The following WWC2 variants were observed in gnomAD, a reference collection of about 807,000 sequenced individuals.
The protein encoded by WWC2 is protein WWC2.
A neutral mutation model predicts 138.5 loss-of-function variants in WWC2; 101 were observed. The observed-to-expected ratio is 0.73, with a 90% CI of 0.62 to 0.86. The LOEUF (loss-of-function observed/expected upper bound fraction) is 0.86. Ranked by LOEUF, WWC2 falls within the 40% of genes least tolerant of loss-of-function variation. The pLI is 0.00. For synonymous variants in WWC2, 558 were observed against 538.4 expected (o/e 1.04, Z -0.50); for missense variants, 1,420 against 1,419.4 (o/e 1.00, Z -0.01).
At chr4:183,144,433 T>C (rs1176867937) in intron 1 of WWC2, among the ~76,000 whole-genome samples, 2 of 152,180 alleles carry the variant, frequency 1.3e-5, no homozygotes, top group Non-Finnish European at 2.9e-5. Flanking sequence ...TTTAGTGTCC[T>C]ATTTTGGAAT....
intron 1 of WWC2, among the ~76,000 whole-genome samples, chr4:183,191,138 T>C (rs1289625047): frequency 6.6e-6 from 1 of 152,096 alleles, no homozygotes; most frequent in African/African-American, 2.4e-5. Context: ...AAAGAGACCA[T>C]GTATGTAGAC....
chr4:183,270,701 T>C (rs2111381021), intron 15 of WWC2, among the ~76,000 whole-genome samples: 1 of 152,114 alleles, frequency 6.6e-6, no homozygotes, highest in East Asian at 1.9e-4. Flanking sequence ...GAGGTGGAGG[T>C]TGCAGTGAGC....
intron 21 of WWC2, among the ~76,000 whole-genome samples, chr4:183,295,223 G>A (rs546093088): frequency 7.2e-5 from 11 of 152,322 alleles, no homozygotes; most frequent in East Asian, 1.9e-4. Context: ...GGGAAGCAGC[G>A]AGGCTACTTT....
chr4:183,173,385 C>T (rs566935628), intron 1 of WWC2, among the ~76,000 whole-genome samples: 1 of 152,108 alleles, frequency 6.6e-6, no homozygotes, highest in East Asian at 1.9e-4. Context: ...CCTGTTCTAT[C>T]TCTCTGAATA....
In WWC2 at chr4:183,319,750, C is replaced by A. The variant is rs749698973; in HGVS notation, c.*4021C>A. ...GCCTCCCCAAACTCCCACCTGGGGA[C>A]AAAGTCTGGGACGTTCTCATCCCAG... On this transcript the variant is annotated 3_prime_UTR_variant, in exon 23 of 23. Transcript: ENST00000403733. The A allele has an allele frequency of 1.5e-5, 24 of 1,613,932 alleles. No individual in the cohort carries two copies. Among genetic ancestry groups the A allele is most frequent in the Non-Finnish European group, 2.0e-5 (24 of 1,179,904 alleles).
chr4:183,203,015 C>T (rs1281279327), intron 2 of WWC2, among the ~76,000 whole-genome samples: 1 of 152,148 alleles, frequency 6.6e-6, no homozygotes, highest in Non-Finnish European at 1.5e-5. Context: ...GGTTTAAGAA[C>T]CTGCTCAAGG....
intron 1 of WWC2, among the ~76,000 whole-genome samples, chr4:183,134,146 CT>C (rs149597431): frequency 4.0e-5 from 6 of 151,552 alleles, no homozygotes; most frequent in Admixed American, 1.3e-4. Context: ...GTCTCTCTTG[CT>C]TTTTTTTGTA....
At chr4:183,202,188 C>A (rs1215179710) in intron 2 of WWC2, among the ~76,000 whole-genome samples, 1 of 152,058 alleles carries the variant, frequency 6.6e-6, no homozygotes, top group Non-Finnish European at 1.5e-5. Context: ...CCAGTATCTT[C>A]TCTGGGGGGT....
At chr4:183,240,378 AGT>A in intron 5 of WWC2, 116 bp downstream of exon 5, 2 of 749,526 alleles carry the variant, frequency 2.7e-6, no homozygotes, top group South Asian at 3.1e-5. Flanking sequence ...AAAGTAAAAA[AGT>A]TCAGAGCTCT....
At chr4:183,185,153 T>G (rs964744507) in intron 1 of WWC2, among the ~76,000 whole-genome samples, 6 of 152,180 alleles carry the variant, frequency 3.9e-5, no homozygotes, top group African/African-American at 1.4e-4. Flanking sequence ...AGTCGGAAAC[T>G]TTGAGGGTGA....
chr4:183,099,923 A>T (rs1743113465), intron 1 of WWC2, among the ~76,000 whole-genome samples: 1 of 152,160 alleles, frequency 6.6e-6, no homozygotes, highest in African/African-American at 2.4e-5. Context: ...CCTGTTAGGA[A>T]CTTCCCTAGG....
At chr4:183,222,892 G>C (rs1220654943) in intron 4 of WWC2, among the ~76,000 whole-genome samples, 1 of 152,130 alleles carries the variant, frequency 6.6e-6, no homozygotes, top group African/African-American at 2.4e-5. Context: ...CTTGAACCTG[G>C]GAGGCAGAGG....
At chr4:183,297,463 G>A (rs1387726854) in intron 21 of WWC2, among the ~76,000 whole-genome samples, 2 of 149,584 alleles carry the variant, frequency 1.3e-5, no homozygotes, top group Non-Finnish European at 3.0e-5. Flanking sequence ...AGACTGAAGT[G>A]CAATGGCACA....
At chr4:183,212,285 T>C (rs2111247829) in intron 4 of WWC2, among the ~76,000 whole-genome samples, 1 of 152,316 alleles carries the variant, frequency 6.6e-6, no homozygotes. Context: ...TTTGGATTTC[T>C]TTATTTATGA....
At chr4:183,268,915 T>C in intron 14 of WWC2, 56 bp from the exon 15 acceptor site, 2 of 1,478,924 alleles carry the variant, frequency 1.4e-6, no homozygotes, top group Admixed American at 3.9e-5. Flanking sequence ...ATGATAGCTG[T>C]GAATCTGGTA....
At chr4:183,308,680 A>G (rs1370347142) in intron 21 of WWC2, among the ~76,000 whole-genome samples, 1 of 152,204 alleles carries the variant, frequency 6.6e-6, no homozygotes, top group African/African-American at 2.4e-5. Context: ...ACATCCTCCC[A>G]TACACTTTAA....
intron 1 of WWC2, among the ~76,000 whole-genome samples, chr4:183,178,464 T>TAGCTTACTCTTGA (rs1362940233): frequency 1.3e-4 from 20 of 151,580 alleles, no homozygotes; most frequent in Admixed American, 4.6e-4. Context: ...CGGTAAGTCC[T>TAGCTTACTCTTGA]AGCTTACTCT....
rs1366427273 is a variant in WWC2 at position 183,320,023 on chromosome 4, C to T, written c.*4294C>T. On this transcript the variant is annotated 3_prime_UTR_variant, in exon 23 of 23. Coordinates refer to ENST00000403733, the MANE Select transcript of WWC2 (RefSeq NM_024949.6). ...GGCAAAGCCAGGAAGGAGTCAAAGT[C>T]CTTGCATTGCATCCCCACTTCCTCT... The T allele has an allele frequency of 6.2e-7, 1 of 1,613,984 alleles. No homozygotes were observed. The highest frequency in any genetic ancestry group is 8.5e-7 in the Non-Finnish European group (1 of 1,179,914).
intron 1 of WWC2, among the ~76,000 whole-genome samples, chr4:183,123,994 T>C (rs987146326): frequency 2.6e-5 from 4 of 152,202 alleles, no homozygotes; most frequent in African/African-American, 9.6e-5. Flanking sequence ...TTCATTCTTC[T>C]CCATGTTTTG....
Sources: allele counts gnomAD v4.1 joint callset (sites outside exome capture counted in the v4.1 genomes callset), GRCh38; gene constraint gnomAD v4.1.1; transcripts MANE v1.5; gene names NCBI Gene and HGNC (gene_info 2026-07-23, HGNC 2026-07-21).